Variants in COX7B2 observed in about 807,000 individuals in gnomAD.
COX7B2 encodes the protein cytochrome c oxidase subunit 7B2, mitochondrial.
For missense variants in COX7B2, 109 were observed against 95.9 expected (o/e 1.14, Z -0.57); for synonymous variants, 37 against 32.1 (o/e 1.15, Z -0.51).
At chr4:46,870,370 C>A (rs755496471) in intron 1 of COX7B2, among the ~76,000 whole-genome samples, 8 of 151,972 alleles carry the variant, frequency 5.3e-5, no homozygotes, top group Non-Finnish European at 1.0e-4. Context: ...AAGCCCACAG[C>A]CAACATTATA....
intron 1 of COX7B2, among the ~76,000 whole-genome samples, chr4:46,896,692 C>T (rs370075092): frequency 5.9e-4 from 89 of 151,740 alleles, no homozygotes; most frequent in African/African-American, 2.1e-3. Context: ...AGAAGTAAAC[C>T]ACAACACACC....
chr4:46,780,369 TAGC>T (rs1185170193), intron 2 of COX7B2, among the ~76,000 whole-genome samples: 2 of 151,986 alleles, frequency 1.3e-5, no homozygotes, highest in African/African-American at 4.8e-5. Flanking sequence ...TACAAAAAAT[TAGC>T]AGGGCGTGAT....
chr4:46,801,255 A>G (rs1718640185), intron 2 of COX7B2, among the ~76,000 whole-genome samples: 1 of 152,160 alleles, frequency 6.6e-6, no homozygotes, highest in South Asian at 2.1e-4. Flanking sequence ...AGGAATATAA[A>G]TTGTTCTGCC....
chr4:46,753,802 G>T (rs1715566529), intron 2 of COX7B2, among the ~76,000 whole-genome samples: 2 of 152,042 alleles, frequency 1.3e-5, no homozygotes, highest in Non-Finnish European at 2.9e-5. Flanking sequence ...GAAAATTTTT[G>T]CAATCTACCC....
chr4:46,746,875 A>G (rs1715051375), intron 2 of COX7B2, among the ~76,000 whole-genome samples: 1 of 152,228 alleles, frequency 6.6e-6, no homozygotes, highest in Non-Finnish European at 1.5e-5. Context: ...TTATGTGACT[A>G]CAGCCTACTA....
At chr4:46,805,205 C>A (rs1217930830) in intron 2 of COX7B2, among the ~76,000 whole-genome samples, 1 of 152,218 alleles carries the variant, frequency 6.6e-6, no homozygotes, top group Non-Finnish European at 1.5e-5. Flanking sequence ...AGGGAGCCGG[C>A]TCTGGCCTTG....
intron 2 of COX7B2, among the ~76,000 whole-genome samples, chr4:46,825,482 A>C (rs1714620967): frequency 6.6e-6 from 1 of 152,192 alleles, no homozygotes. Flanking sequence ...ATTTAATGCT[A>C]TCCTTATCAG....
chr4:46,876,907 C>T (rs988328406), intron 1 of COX7B2: 6 of 152,176 alleles, frequency 3.9e-5, no homozygotes, highest in African/African-American at 1.4e-4. Context: ...ATTTTTCTGG[C>T]AACAGCTACT....
At chr4:46,782,530 T>C (rs555437726) in intron 2 of COX7B2, among the ~76,000 whole-genome samples, 1 of 151,688 alleles carries the variant, frequency 6.6e-6, no homozygotes, top group East Asian at 1.9e-4. Flanking sequence ...GGGGGTCCCA[T>C]AAGAGAATAA....
intron 1 of COX7B2, among the ~76,000 whole-genome samples, chr4:46,888,692 C>A (rs142057834): frequency 5.9e-5 from 9 of 152,114 alleles, no homozygotes; most frequent in Non-Finnish European, 1.2e-4. Flanking sequence ...GTGATCCTCC[C>A]GCCTCGGCCT....
intron 2 of COX7B2, among the ~76,000 whole-genome samples, chr4:46,758,312 A>G (rs1715923618): frequency 6.6e-6 from 1 of 152,120 alleles, no homozygotes; most frequent in Non-Finnish European, 1.5e-5. Context: ...AAATGTATCA[A>G]AGTGGGTGGT....
At chr4:46,812,869 G>A (rs1719357212) in intron 2 of COX7B2, among the ~76,000 whole-genome samples, 1 of 152,200 alleles carries the variant, frequency 6.6e-6, no homozygotes, top group Non-Finnish European at 1.5e-5. Flanking sequence ...ATGCTTAGAG[G>A]TACAGCTGCT....
intron 2 of COX7B2, among the ~76,000 whole-genome samples, chr4:46,832,470 T>C (rs936136373): frequency 6.6e-6 from 1 of 152,200 alleles, no homozygotes; most frequent in African/African-American, 2.4e-5. Flanking sequence ...TCACATATTA[T>C]TTCTGTTCCC....
chr4:46,764,755 A>C (rs1716427699), intron 2 of COX7B2, among the ~76,000 whole-genome samples: 1 of 151,944 alleles, frequency 6.6e-6, no homozygotes, highest in Admixed American at 6.6e-5. Context: ...GACCGTTACA[A>C]TTATAAAATA....
At chr4:46,887,575 G>T (rs1361718255) in intron 1 of COX7B2, among the ~76,000 whole-genome samples, 1 of 151,910 alleles carries the variant, frequency 6.6e-6, no homozygotes, top group Non-Finnish European at 1.5e-5. Flanking sequence ...GCCGGGCGTG[G>T]TGGCAGGCGC....
At chr4:46,759,973 T>G (rs1225833480) in intron 2 of COX7B2, among the ~76,000 whole-genome samples, 2 of 151,894 alleles carry the variant, frequency 1.3e-5, no homozygotes, top group Admixed American at 1.3e-4. Context: ...ATACGCCTTA[T>G]CTTACACTTC....
chr4:46,851,261 T>C (rs1050710008), intron 1 of COX7B2, among the ~76,000 whole-genome samples: 2 of 152,108 alleles, frequency 1.3e-5, no homozygotes, highest in African/African-American at 2.4e-5. Flanking sequence ...AAATTGCATA[T>C]CTAAGATAAG....
chr4:46,828,013 A>T (rs1353110676), intron 2 of COX7B2, among the ~76,000 whole-genome samples: 1 of 152,144 alleles, frequency 6.6e-6, no homozygotes, highest in Non-Finnish European at 1.5e-5. Context: ...TTTGCGGTGG[A>T]GGGCACACAG....
intron 2 of COX7B2, among the ~76,000 whole-genome samples, chr4:46,767,083 A>T (rs1410707103): frequency 6.6e-6 from 1 of 152,268 alleles, no homozygotes; most frequent in Admixed American, 6.5e-5. Context: ...AATGGATTTA[A>T]AAAACAGATC....
Sources: allele counts gnomAD v4.1 joint callset (sites outside exome capture counted in the v4.1 genomes callset), GRCh38; gene constraint gnomAD v4.1.1; transcripts MANE v1.5; gene names NCBI Gene and HGNC (gene_info 2026-07-23, HGNC 2026-07-21).